The following ZNF513 variants were observed in gnomAD, a reference collection of about 807,000 sequenced individuals.
The protein encoded by ZNF513 is zinc finger protein 513.
Under a neutral mutation model 39.7 loss-of-function variants are expected in ZNF513, and 16 were observed. The observed-to-expected ratio is 0.40, with a 90% CI of 0.27 to 0.61. The LOEUF (loss-of-function observed/expected upper bound fraction) is 0.61. Among genes scored for constraint, ZNF513 ranks in the 20% least tolerant of loss-of-function variants. ZNF513 has a pLI of 0.39. For missense variants in ZNF513, 699 were observed against 743.6 expected, an observed-to-expected ratio of 0.94 and a Z score of 0.70; for synonymous variants, 348 against 296.5, an observed-to-expected ratio of 1.17 and a Z score of -1.79.
rs1683474945 is a variant in ZNF513 at position 27,378,739 on chromosome 2, T to G, written c.527A>C (p.Lys176Thr). 6.2e-7 allele frequency: 1 copy of G among 1,614,046 alleles called. No individual in the cohort carries two copies. Among genetic ancestry groups the G allele is most frequent in the East Asian group, 2.2e-5 (1 of 44,874 alleles). ...KRHMQTHSGEKPFRCGRCPYA... is the reference protein window; with the variant it reads ...KRHMQTHSGETPFRCGRCPYA... ...GGGGCAGCGGCCACAGCGGAACGGC[T>G]TCTCTCCGCTGTGTGTCTGCATGTG... The change falls in exon 3 of 4, where the codon AAG becomes ACG. Residue 176 changes from lysine (K) to threonine (T), a missense_variant. Physicochemically the swap from Lys to Thr is moderately conservative, Grantham distance 78 (BLOSUM62 -1). This residue lies in a region of ZNF513 where 530 missense variants were observed against 499.3 expected (regional missense o/e 1.06). Coordinates refer to ENST00000323703, the MANE Select transcript of ZNF513 (RefSeq NM_144631.6). This position sits in a 1 kb window ranked among gnomAD's most constrained non-coding sequence, Gnocchi z 8.0.
chr2:27,379,049 A>T lies in ZNF513; in HGVS notation c.217T>A (p.Ser73Thr), dbSNP rs1307218214. Residue 73 changes from serine to threonine, a missense_variant, in exon 3 of 4, where the codon TCT (serine) becomes ACT (threonine). Transcript: ENST00000323703. ...GGAAGCCCAGGCCTGGCCCCCAGAG[A>T]GTCTCCTGGTGAAATAGACATAAGA... ...MGFERDSEGDSLGARPGLPYG... is the reference protein window; with the variant it reads ...MGFERDSEGDTLGARPGLPYG... 1.9e-6 allele frequency: 3 copies of T among 1,612,598 alleles called. No individual in the cohort carries two copies. The Admixed American group carries it at 5.0e-5, about 27-fold the overall frequency.
At position 27,380,643 on chromosome 2, in the gene ZNF513, G is replaced by T; in HGVS notation, c.-117C>A. 7.1e-7 allele frequency: 1 copy of T among 1,407,906 alleles called. No individual in the cohort carries two copies. Among genetic ancestry groups the T allele is most frequent in the South Asian group, 1.6e-5 (1 of 64,214 alleles). 87.2% of individuals were successfully genotyped at this position (1,407,906 alleles called of 1,614,324 possible). On this transcript the variant is annotated 5_prime_UTR_variant, in exon 1 of 4. Transcript: ENST00000323703. The stretch of plus-strand genomic sequence containing the variant: ...GGCCCGCGGGCCGCCCCCATGCAGC[G>T]GCGCGGGCCCTGGGCAGCCCCCGGC...
rs1313666175 is a variant in ZNF513 at position 27,378,959 on chromosome 2, C to G, written c.307G>C (p.Glu103Gln). ...GCCTCCCCTGGACCCCTGGCTGGCT[C>G]CTCAACTTCACTCTCCGCACTTAGT... The part of the protein sequence containing the change: ...RALSAESEVE[E>Q]PARGPGEARG... Residue 103 changes from glutamate (E) to glutamine (Q), a missense_variant, in exon 3 of 4, where the codon GAG becomes CAG. Around this residue, in one of 3 missense-constraint regions of ZNF513, gnomAD observed 530 missense variants for 499.3 expected, o/e 1.06. Transcript: ENST00000323703. This position sits in a 1 kb window ranked among gnomAD's most constrained non-coding sequence, Gnocchi z 8.0. 2 of 1,611,974 alleles carry G rather than the reference C, an allele frequency of 1.2e-6. No individual in the cohort carries two copies. The highest frequency in any genetic ancestry group is 4.5e-5 in the East Asian group (2 of 44,856).
Position 27,378,269 on chromosome 2 carries a change from C to A in ZNF513, c.902G>T (p.Gly301Val). 6.2e-7 allele frequency: 1 copy of A among 1,601,272 alleles called. No individual in the cohort carries two copies. The change falls in exon 4 of 4, where the codon GGG (glycine) becomes GTG (valine). Residue 301 changes from glycine (G) to valine (V), a missense_variant. By Grantham distance (109) the Gly-to-Val change is moderately radical (BLOSUM62 -3). Coordinates refer to ENST00000323703, the MANE Select transcript of ZNF513 (RefSeq NM_144631.6). The surrounding 1 kb of genome is among the most constrained non-coding windows in gnomAD (Gnocchi z 8.0). ...QLRGEGEGLC[G>V]TGSEPLPELL... ...CTCTGGCAGTGGTTCTGATCCAGTC[C>A]CGCAGAGGCCCTCCCCTTCACCCCG...
In ZNF513 at chr2:27,378,540, G is replaced by C; in HGVS notation, c.726C>G (p.Arg242=). 6.2e-7 allele frequency: 1 copy of C among 1,614,114 alleles called. No individual in the cohort carries two copies. Among genetic ancestry groups the C allele is most frequent in the Non-Finnish European group, 8.5e-7 (1 of 1,180,038 alleles). The change falls in exon 3 of 4, where the codon CGC becomes CGG. Residue 242 remains arginine (R), a synonymous_variant. Transcript: ENST00000323703. The surrounding 1 kb of genome is among the most constrained non-coding windows in gnomAD (Gnocchi z 8.0). ...GCCGGGCTGGTCGTGGAGTACAGCA[G>C]CGGAAGCCACAGGTCGGGCAGGGAG... ...PTPPCPTCGF[R]CCTPRPARPP...
chr2:27,378,792 C>T lies in ZNF513; in HGVS notation c.474G>A (p.Val158=), dbSNP rs1683477183. ...LLYSCRLCTF[V]SHYSSHLKRH... is the part of the protein sequence containing the mutation. ...GCTTCAGGTGGCTCGAGTAGTGGGACACGAAGGTGCAGAGGCGGCATGAGT... is the reference window on the plus strand; with the variant it reads ...GCTTCAGGTGGCTCGAGTAGTGGGATACGAAGGTGCAGAGGCGGCATGAGT... Residue 158 remains valine (V), a synonymous_variant, in exon 3 of 4, where the codon GTG becomes GTA. Transcript: ENST00000323703. The surrounding 1 kb of genome is among the most constrained non-coding windows in gnomAD (Gnocchi z 8.0). The T allele has an allele frequency of 4.3e-6, 7 of 1,613,756 alleles. No individual in the cohort carries two copies. Among genetic ancestry groups the T allele is most frequent in the Non-Finnish European group, 5.1e-6 (6 of 1,179,892 alleles).
intron 2 of ZNF513, 100 bp from the exon 3 acceptor site, chr2:27,379,154 C>G (rs1180103287): frequency 8.3e-7 from 1 of 1,200,866 alleles, no homozygotes; most frequent in Admixed American, 2.0e-5. Flanking sequence ...TTGGCTCCAC[C>G]CTTAGCTTTG....
In ZNF513 at chr2:27,377,398, C is replaced by A. The variant is rs953782254; in HGVS notation, c.*147G>T. On this transcript the variant is annotated 3_prime_UTR_variant, in exon 4 of 4. Coordinates refer to ENST00000323703, the MANE Select transcript of ZNF513 (RefSeq NM_144631.6). The surrounding 1 kb of genome is among the most constrained non-coding windows in gnomAD (Gnocchi z 4.4). Reference sequence around the variant, plus strand: ...TGAAGTGCCTCAGTCAAGGCAAGGTCCCCTGGTCCATATGGGCCCCCCCGC... The same window carrying A: ...TGAAGTGCCTCAGTCAAGGCAAGGTACCCTGGTCCATATGGGCCCCCCCGC... 2.3e-6 allele frequency: 2 copies of A among 856,696 alleles called. No homozygotes were observed. Among genetic ancestry groups the A allele is most frequent in the African/African-American group, 3.3e-5 (2 of 60,082 alleles). 53.1% of individuals were successfully genotyped at this position (856,696 alleles called of 1,614,324 possible). A position where few individuals can be genotyped will look rare whatever the true frequency, so the allele number is the denominator to read the frequency against.
In ZNF513 at chr2:27,378,346, G is replaced by A. The variant is rs763581104; in HGVS notation, c.825C>T (p.Ser275=). The A allele has an allele frequency of 3.4e-5, 54 of 1,602,084 alleles. No homozygotes were observed. The highest frequency in any genetic ancestry group is 4.5e-5 in the Non-Finnish European group (53 of 1,179,964). The change falls in exon 4 of 4, where the codon AGC becomes AGT. Residue 275 remains serine (S), a synonymous_variant. Transcript: ENST00000323703. The surrounding 1 kb of genome is among the most constrained non-coding windows in gnomAD (Gnocchi z 8.0). ...PEDALLLPDL[S]LHVPPGGASF... ...TGGCACCACCTGGTGGCACATGGAGGCTCAAATCTGGAAGGAGCAGAGCAT... is the reference window on the plus strand; with the variant it reads ...TGGCACCACCTGGTGGCACATGGAGACTCAAATCTGGAAGGAGCAGAGCAT...
In ZNF513 at chr2:27,380,456, GCCCCTGA is replaced by G. The variant is rs368927081; in HGVS notation, c.55+9_55+15del. On this transcript the variant is annotated intron_variant, in intron 1 of 3. Transcript: ENST00000323703. ...CCACCCCCGCTCCTCTCCCCTCAAG[GCCCCTGA>G]CCCCTGACCTTTGACCCCCTCGCAT... The G allele has an allele frequency of 3.4e-4, 543 of 1,593,616 alleles. 2 individuals carry two copies. The African/African-American group carries it at 6.5e-3, about 19-fold the overall frequency.
Position 27,378,238 on chromosome 2 carries a change from T to G in ZNF513, c.933A>C (p.Leu311=), listed in dbSNP as rs369499229. 2.5e-6 allele frequency: 4 copies of G among 1,603,390 alleles called. No homozygotes were observed. Among genetic ancestry groups the G allele is most frequent in the Non-Finnish European group, 3.4e-6 (4 of 1,179,928 alleles). Residue 311 remains leucine (L), a synonymous_variant, in exon 4 of 4, where the codon CTA becomes CTC. Coordinates refer to ENST00000323703, the MANE Select transcript of ZNF513 (RefSeq NM_144631.6). The surrounding 1 kb of genome is among the most constrained non-coding windows in gnomAD (Gnocchi z 8.0). ...CACAGCCCCGGCAGGTCCAAGGGAA[T>G]AGCAGCTCTGGCAGTGGTTCTGATC... ...GTGSEPLPEL[L]FPWTCRGCGQ...
At position 27,379,089 on chromosome 2, in the gene ZNF513, A is replaced by C. The variant is rs1307437785; in HGVS notation, c.212-35T>G. The C allele has an allele frequency of 1.9e-6, 3 of 1,601,364 alleles. No individual in the cohort carries two copies. In the African/African-American group the frequency reaches 4.0e-5, roughly 21 times the overall value. ...TAGACATAAGAAGAGACATCAGCAT[A>C]GGGTAGGATCAGGCTCCAAACTCTC... On this transcript the variant is annotated intron_variant, in intron 2 of 3. Coordinates refer to ENST00000323703, the MANE Select transcript of ZNF513 (RefSeq NM_144631.6).
chr2:27,377,623 T>A lies in ZNF513; in HGVS notation c.1548A>T (p.Pro516=). 6.2e-7 allele frequency: 1 copy of A among 1,613,906 alleles called. No individual in the cohort carries two copies. Among genetic ancestry groups the A allele is most frequent in the East Asian group, 2.2e-5 (1 of 44,874 alleles). Residue 516 remains proline (P), a synonymous_variant, in exon 4 of 4, where the codon CCA becomes CCT. Coordinates refer to ENST00000323703, the MANE Select transcript of ZNF513 (RefSeq NM_144631.6). This position sits in a 1 kb window ranked among gnomAD's most constrained non-coding sequence, Gnocchi z 4.4. ...ASEGWAPPHS[P]PSVLSSRGPP... ...GGCCCCGAGAGCTCAAAACAGAGGG[T>A]GGGCTATGAGGTGGGGCCCAGCCCT...
chr2:27,380,546 A>G lies in ZNF513; in HGVS notation c.-20T>C. On this transcript the variant is annotated 5_prime_UTR_variant, in exon 1 of 4. Coordinates refer to ENST00000323703, the MANE Select transcript of ZNF513 (RefSeq NM_144631.6). ...GGGCATCGTGACCGGCTCCAGCCCG[A>G]CGCGCCTCCGGCCTGCGGCCGCCCG... 6.4e-7 allele frequency: 1 copy of G among 1,556,068 alleles called. No individual in the cohort carries two copies. Among genetic ancestry groups the G allele is most frequent in the Non-Finnish European group, 8.7e-7 (1 of 1,144,340 alleles).
In ZNF513 at chr2:27,378,636, G is replaced by A; in HGVS notation, c.630C>T (p.His210=). 9 of 1,613,940 alleles carry A rather than the reference G, an allele frequency of 5.6e-6. No individual in the cohort carries two copies. Among genetic ancestry groups the A allele is most frequent in the Non-Finnish European group, 7.6e-6 (9 of 1,179,974 alleles). Residue 210 remains histidine, a synonymous_variant, in exon 3 of 4, where the codon CAC becomes CAT. Coordinates refer to ENST00000323703, the MANE Select transcript of ZNF513 (RefSeq NM_144631.6). The surrounding 1 kb of genome is among the most constrained non-coding windows in gnomAD (Gnocchi z 8.0). ...HTGEKPYRCP[H]CPFACSSLGN... ...CCAGGCTGCTGCAGGCAAAGGGGCA[G>A]TGGGGACAGCGGTAGGGCTTCTCGC...
intron 2 of ZNF513, 92 bp downstream of exon 2, chr2:27,380,001 G>A: frequency 1.3e-6 from 2 of 1,538,508 alleles, no homozygotes; most frequent in Non-Finnish European, 1.8e-6. Flanking sequence ...CTCGGTTGTG[G>A]CAGGAAATGG....
intron 1 of ZNF513, 92 bp downstream of exon 1, chr2:27,380,380 T>C (rs960453980): frequency 6.3e-7 from 1 of 1,585,480 alleles, no homozygotes; most frequent in Non-Finnish European, 8.6e-7. Flanking sequence ...ATCGCCCACT[T>C]CATCCCTCAG....
In ZNF513 at chr2:27,377,527, G is replaced by C; in HGVS notation, c.*18C>G. 1 of 1,612,794 alleles carries C rather than the reference G, an allele frequency of 6.2e-7. No homozygotes were observed. Among genetic ancestry groups the C allele is most frequent in the Non-Finnish European group, 8.5e-7 (1 of 1,179,022 alleles). ...CTTCTGGTCCGTCTGTATAAAACAT[G>C]GGGAAGAAGGACCTAGTTCAGGATG... On this transcript the variant is annotated 3_prime_UTR_variant, in exon 4 of 4. Coordinates refer to ENST00000323703, the MANE Select transcript of ZNF513 (RefSeq NM_144631.6). This position sits in a 1 kb window ranked among gnomAD's most constrained non-coding sequence, Gnocchi z 4.4.
chr2:27,380,010 G>T, intron 2 of ZNF513, 83 bp downstream of exon 2: 1 of 1,571,450 alleles, frequency 6.4e-7, no homozygotes, highest in Non-Finnish European at 8.8e-7. Flanking sequence ...GGCAGGAAAT[G>T]GTGTTCTGTT....
Sources: allele counts gnomAD v4.1 joint callset, GRCh38; gene constraint gnomAD v4.1.1; regional missense constraint gnomAD v4.1.1; non-coding constraint Gnocchi (gnomAD v3.1); transcripts MANE v1.5; gene names NCBI Gene and HGNC (gene_info 2026-07-23, HGNC 2026-07-21).